The following RGS6 variants were observed in gnomAD, a reference collection of about 807,000 sequenced individuals.
RGS6 encodes the protein regulator of G protein signaling 6.
A neutral mutation model predicts 78.5 loss-of-function variants in RGS6; 30 were observed. The observed-to-expected ratio is 0.38, with a 90% CI of 0.29 to 0.52. RGS6 has a LOEUF of 0.52. Among genes scored for constraint, RGS6 ranks in the 20% least tolerant of loss-of-function variants. RGS6 has a pLI of 0.85. For synonymous variants in RGS6, 206 were observed against 206.0 expected, an observed-to-expected ratio of 1.00 and a Z score of 0.00; for missense variants, 495 against 609.7, an observed-to-expected ratio of 0.81 and a Z score of 1.98.
intron 2 of RGS6, among the ~76,000 whole-genome samples, chr14:72,066,668 C>T (rs1485001213): frequency 3.3e-5 from 5 of 151,536 alleles, no homozygotes; most frequent in Non-Finnish European, 7.4e-5. Context: ...AATAAGACCC[C>T]AAGGGAGTAG....
intron 3 of RGS6, among the ~76,000 whole-genome samples, chr14:72,387,465 C>A (rs952008394): frequency 6.6e-6 from 1 of 151,772 alleles, no homozygotes; most frequent in South Asian, 2.1e-4. Context: ...AGGAGAATGG[C>A]GTGAACCCAG....
At chr14:72,408,972 A>G (rs1220989279) in intron 3 of RGS6, among the ~76,000 whole-genome samples, 3 of 152,188 alleles carry the variant, frequency 2.0e-5, no homozygotes, top group Non-Finnish European at 4.4e-5. Context: ...AGTAGAGTGT[A>G]AAATAGAAAA....
intron 3 of RGS6, among the ~76,000 whole-genome samples, chr14:72,411,579 C>A (rs1045460137): frequency 2.0e-5 from 3 of 152,084 alleles, no homozygotes; most frequent in Non-Finnish European, 4.4e-5. Flanking sequence ...GCCTGATTGC[C>A]CTGGCCAGAA....
At chr14:71,922,823 C>T in the RGS6 span, among the ~76,000 whole-genome samples, 1 of 151,352 alleles carries the variant, frequency 6.6e-6, no homozygotes, top group African/African-American at 2.4e-5. Flanking sequence ...GTTTGTTTAC[C>T]ACAGAAGTAA....
chr14:72,097,496 T>G (rs572577353), intron 2 of RGS6, among the ~76,000 whole-genome samples: 1 of 152,302 alleles, frequency 6.6e-6, no homozygotes, highest in South Asian at 2.1e-4. Context: ...GAGCAAGTTT[T>G]AAAAATCCTT....
chr14:72,344,570 G>C (rs1161116007), intron 2 of RGS6, among the ~76,000 whole-genome samples: 2 of 152,148 alleles, frequency 1.3e-5, no homozygotes, highest in African/African-American at 4.8e-5. Flanking sequence ...TGGAATCCAA[G>C]ATAAAGTTCT....
intron 2 of RGS6, among the ~76,000 whole-genome samples, chr14:72,204,200 T>C (rs1389039855): frequency 6.6e-6 from 1 of 152,176 alleles, no homozygotes; most frequent in African/African-American, 2.4e-5. Flanking sequence ...CACCACTATT[T>C]ATTTCTAAAA....
At chr14:72,516,146 A>G (rs939534649) in intron 14 of RGS6, among the ~76,000 whole-genome samples, 10 of 152,212 alleles carry the variant, frequency 6.6e-5, no homozygotes, top group African/African-American at 1.7e-4. Context: ...GCTTCTTCCT[A>G]TAGAGCCAGG....
intron 12 of RGS6, among the ~76,000 whole-genome samples, chr14:72,483,535 C>A (rs1008327149): frequency 2.3e-4 from 35 of 152,078 alleles, no homozygotes; most frequent in African/African-American, 8.5e-4. Flanking sequence ...GGACTGGATA[C>A]CCCTAAGGGT....
intron 2 of RGS6, among the ~76,000 whole-genome samples, chr14:72,252,054 T>A (rs2055930622): frequency 6.6e-6 from 1 of 152,196 alleles, no homozygotes; most frequent in East Asian, 1.9e-4. Context: ...TTAAAAAGAA[T>A]GTGTTAGACT....
At chr14:71,984,311 A>AC (rs1468972004) in intron 2 of RGS6, among the ~76,000 whole-genome samples, 1 of 111,322 alleles carries the variant, frequency 9.0e-6, no homozygotes, top group African/African-American at 3.1e-5. Flanking sequence ...AAAAAAAAAA[A>AC]AAAAAAAAAA....
intron 2 of RGS6, among the ~76,000 whole-genome samples, chr14:72,025,127 T>A (rs905536393): frequency 6.6e-6 from 1 of 152,150 alleles, no homozygotes; most frequent in Non-Finnish European, 1.5e-5. Flanking sequence ...ATGAGTTAAA[T>A]CCTAAGTAGA....
intron 2 of RGS6, among the ~76,000 whole-genome samples, chr14:72,205,037 G>A (rs1308852105): frequency 6.6e-6 from 1 of 152,162 alleles, no homozygotes; most frequent in African/African-American, 2.4e-5. Context: ...GACAGCATGA[G>A]CAGATAGAGG....
intron 1 of RGS6, among the ~76,000 whole-genome samples, chr14:71,936,098 AC>A (rs2089295142): frequency 6.8e-6 from 1 of 147,964 alleles, no homozygotes; most frequent in African/African-American, 2.5e-5. Context: ...TGATATATAT[AC>A]ATATGATATA....
chr14:72,291,203 G>A lies in RGS6; in HGVS notation c.85-60892G>A, dbSNP rs116156005. Among the ~76,000 whole-genome samples, 593 of 151,928 alleles carry A rather than the reference G, an allele frequency of 3.9e-3. 2 individuals carry two copies. Among genetic ancestry groups the A allele is most frequent in the African/African-American group, 0.013 (554 of 41,450 alleles). ...GCTCCTTGGTGACCTCTCTGCGTCC[G>A]TCTCCATCCCCATCTGCTTCCGTGA... On this transcript the variant is annotated intron_variant, in intron 2 of 17. Coordinates refer to ENST00000553525, the MANE Select transcript of RGS6 (RefSeq NM_001204424.2).
chr14:71,891,261 A>G, the RGS6 span, among the ~76,000 whole-genome samples: 2 of 152,206 alleles, frequency 1.3e-5, no homozygotes, highest in South Asian at 2.1e-4. Context: ...GAAGGGCTCG[A>G]CTGGGTGGTT....
intron 2 of RGS6, among the ~76,000 whole-genome samples, chr14:72,274,689 A>G (rs1008095713): frequency 1.3e-5 from 2 of 152,214 alleles, no homozygotes; most frequent in Non-Finnish European, 2.9e-5. Flanking sequence ...TCAGAGTCAG[A>G]GAAGAAGTTG....
the RGS6 span, among the ~76,000 whole-genome samples, chr14:72,575,223 TG>T: frequency 6.6e-6 from 1 of 151,880 alleles, no homozygotes; most frequent in Non-Finnish European, 1.5e-5. Flanking sequence ...GGGTGTGCCA[TG>T]GGGTAGCTGG....
At chr14:72,191,511 A>G (rs2097325115) in intron 2 of RGS6, among the ~76,000 whole-genome samples, 1 of 152,232 alleles carries the variant, frequency 6.6e-6, no homozygotes, top group African/African-American at 2.4e-5. Context: ...AGGCCTCACA[A>G]TCACGGCAGA....
Sources: allele counts gnomAD v4.1 joint callset (sites outside exome capture counted in the v4.1 genomes callset), GRCh38; gene constraint gnomAD v4.1.1; transcripts MANE v1.5; gene names NCBI Gene and HGNC (gene_info 2026-07-23, HGNC 2026-07-21).